The following BTF3 variants were observed in gnomAD, a reference collection of about 807,000 sequenced individuals.
BTF3 encodes the protein basic transcription factor 3.
Under a neutral mutation model 23.9 loss-of-function variants are expected in BTF3, and 12 were observed. That is an observed-to-expected ratio of 0.50 (90% CI 0.32 to 0.81). The LOEUF (loss-of-function observed/expected upper bound fraction) is 0.81, where lower values mean the gene tolerates loss of function less well. BTF3 is among the 40% of genes least tolerant of loss of function. The probability of loss-of-function intolerance (pLI) is 0.03; values close to 1 mark genes in which losing one functional copy is unlikely to be tolerated. For synonymous variants in BTF3, 96 were observed against 94.8 expected, an observed-to-expected ratio of 1.01 and a Z score of -0.07; for missense variants, 215 against 255.9, an observed-to-expected ratio of 0.84 and a Z score of 1.09.
At chr5:73,504,264 GTTCTTTTT>G in intron 4 of BTF3, 75 bp from the exon 5 acceptor site, 1 of 404,648 alleles carries the variant, frequency 2.5e-6, no homozygotes, top group Non-Finnish European at 3.6e-6. Context: ...CATTTCATCT[GTTCTTTTT>G]TTTTTTTTTT....
At chr5:73,499,449 AC>A (rs2111956184) in intron 2 of BTF3, 2 of 520,002 alleles carry the variant, frequency 3.8e-6, no homozygotes, top group African/African-American at 1.0e-4. Flanking sequence ...TAAGTAGAAC[AC>A]AAAAGTGTTT....
rs375717813 is a variant in BTF3 at position 73,504,331 on chromosome 5, C to T, written c.518-16C>T. ...TAAAAACCTAGACAAATAATGTTTA[C>T]ATTTTCCTTTCATAGCTGTGGATGG... On this transcript the variant is annotated splice_polypyrimidine_tract_variant and intron_variant, in intron 4 of 5. Transcript: ENST00000380591. The T allele has an allele frequency of 2.0e-5, 15 of 759,780 alleles. No individual in the cohort carries two copies. The Admixed American group carries it at 4.0e-4, about 20-fold the overall frequency. 47.1% of individuals were successfully genotyped at this position (759,780 alleles called of 1,614,324 possible).
chr5:73,498,476 G>A lies in BTF3; in HGVS notation c.-192G>A, dbSNP rs1253653144. 2.2e-5 allele frequency: 15 copies of A among 683,340 alleles called. No individual in the cohort carries two copies. Among genetic ancestry groups the A allele is most frequent in the Non-Finnish European group, 2.6e-5 (12 of 463,554 alleles). The allele number at this position is 683,340 out of a possible 1,614,324, so 42.3% of individuals were successfully genotyped here. A position where few individuals can be genotyped will look rare whatever the true frequency, so the allele number is the denominator to read the frequency against. Reference sequence around the variant, plus strand: ...TGCCATCTTGCGTCCCCGCGTGTGTGCGCCTAATCTCAGGTGGTCCACCCG... The same window carrying A: ...TGCCATCTTGCGTCCCCGCGTGTGTACGCCTAATCTCAGGTGGTCCACCCG... On this transcript the variant is annotated 5_prime_UTR_variant, in exon 1 of 6. Transcript: ENST00000380591.
chr5:73,504,289 T>TTTTTTTTTTTA, intron 4 of BTF3, 58 bp from the exon 5 acceptor site: 1 of 746,964 alleles, frequency 1.3e-6, no homozygotes, highest in South Asian at 2.5e-5. Flanking sequence ...TTTTTTTTTT[T>TTTTTTTTTTTA]TTTGGTGAAT....
At chr5:73,498,991 T>G in intron 1 of BTF3, 143 bp from the exon 2 acceptor site, 1 of 1,247,926 alleles carries the variant, frequency 8.0e-7, no homozygotes, top group Non-Finnish European at 1.1e-6. Context: ...AACCCAAATT[T>G]GGAGCTTTGC....
intron 4 of BTF3, 120 bp from the exon 5 acceptor site, chr5:73,504,227 A>G: frequency 1.5e-6 from 1 of 671,994 alleles, no homozygotes; most frequent in Middle Eastern, 4.4e-4. Flanking sequence ...GTCCCTTATC[A>G]TGGAAATAAG....
rs1746534928 is a variant in BTF3 at position 73,505,476 on chromosome 5, A to T, written c.*238A>T. 2 of 420,114 alleles carry T rather than the reference A, an allele frequency of 4.8e-6. No individual in the cohort carries two copies. The highest frequency in any genetic ancestry group is 8.4e-6 in the Non-Finnish European group (2 of 238,288). 26.0% of individuals were successfully genotyped at this position (420,114 alleles called of 1,614,324 possible). ...GGAATCAAGTTTGAAACAAAGATTA[A>T]TAAAGTTCTTTGCCTAGTATACAGT... On this transcript the variant is annotated 3_prime_UTR_variant, in exon 6 of 6. Coordinates refer to ENST00000380591, the MANE Select transcript of BTF3 (RefSeq NM_001037637.2).
intron 2 of BTF3, among the ~76,000 whole-genome samples, chr5:73,500,868 A>G (rs562563669): frequency 6.6e-6 from 1 of 151,934 alleles, no homozygotes; most frequent in South Asian, 2.1e-4. Context: ...AACCAGATAC[A>G]TACATGACCA....
intron 1 of BTF3, 130 bp downstream of exon 1, chr5:73,498,929 G>T: frequency 5.3e-6 from 7 of 1,327,666 alleles, no homozygotes; most frequent in Non-Finnish European, 6.8e-6. Context: ...TGCCAAGAGC[G>T]GGGAGCTGTG....
At chr5:73,500,760 T>C (rs939301342) in intron 2 of BTF3, among the ~76,000 whole-genome samples, 7 of 152,192 alleles carry the variant, frequency 4.6e-5, no homozygotes, top group African/African-American at 1.7e-4. Context: ...AATTGAACTC[T>C]ACATATGTGA....
chr5:73,498,828 G>A lies in BTF3; in HGVS notation c.132+29G>A, dbSNP rs978723605. 4.7e-6 allele frequency: 7 copies of A among 1,502,612 alleles called. No individual in the cohort carries two copies. The East Asian group carries it at 1.8e-4, about 39-fold the overall frequency. The allele number at this position is 1,502,612 out of a possible 1,614,324, so 93.1% of individuals were successfully genotyped here. A position where few individuals can be genotyped will look rare whatever the true frequency, so the allele number is the denominator to read the frequency against. On this transcript the variant is annotated intron_variant, in intron 1 of 5. Coordinates refer to ENST00000380591, the MANE Select transcript of BTF3 (RefSeq NM_001037637.2). The stretch of plus-strand genomic sequence containing the variant: ...CCGCGAGGCTTGCGGAGAGTGGCCG[G>A]GCCGGGCAGGCCCTGGCTAGGCCGA...
At position 73,498,671 on chromosome 5, in the gene BTF3, C is replaced by T; in HGVS notation, c.4C>T (p.Arg2Ter). The T allele has an allele frequency of 6.7e-7, 1 of 1,498,414 alleles. No homozygotes were observed. The highest frequency in any genetic ancestry group is 1.3e-5 in the South Asian group (1 of 78,488). 92.8% of individuals were successfully genotyped at this position (1,498,414 alleles called of 1,614,324 possible). The change falls in exon 1 of 6, where the codon CGA (arginine) becomes TGA (stop). Residue 2 changes from arginine to a stop codon, truncating the protein, a stop_gained. Coordinates refer to ENST00000380591, the MANE Select transcript of BTF3 (RefSeq NM_001037637.2). LOFTEE classifies it high-confidence loss of function. ...GGCAGAGGAGGAGAGGAAGGCGATG[C>T]GACGGACAGGCGCACCCGCTCAGGC... The part of the protein sequence containing the change: M[R>*]RTGAPAQADS...
chr5:73,498,555 C>G lies in BTF3; in HGVS notation c.-113C>G, dbSNP rs2111953640. Reference sequence around the variant, plus strand: ...CCGCGCGGCCCCTTATTCGCTCCGACAAGGTACAAAAAGGCTCTGGACGGC... The same window carrying G: ...CCGCGCGGCCCCTTATTCGCTCCGAGAAGGTACAAAAAGGCTCTGGACGGC... On this transcript the variant is annotated 5_prime_UTR_variant, in exon 1 of 6. Transcript: ENST00000380591. 7.3e-7 allele frequency: 1 copy of G among 1,379,136 alleles called. No homozygotes were observed. The highest frequency in any genetic ancestry group is 1.5e-5 in the African/African-American group (1 of 65,210). The allele number at this position is 1,379,136 out of a possible 1,614,324, so 85.4% of individuals were successfully genotyped here. A position where few individuals can be genotyped will look rare whatever the true frequency, so the allele number is the denominator to read the frequency against.
chr5:73,499,300 A>G, intron 2 of BTF3, 98 bp downstream of exon 2: 1 of 1,335,032 alleles, frequency 7.5e-7, no homozygotes, highest in African/African-American at 1.5e-5. Flanking sequence ...TCGGTGACAA[A>G]CTTTGCCTAT....
chr5:73,498,519 A>T lies in BTF3; in HGVS notation c.-149A>T. 8.1e-7 allele frequency: 1 copy of T among 1,231,336 alleles called. No homozygotes were observed. Among genetic ancestry groups the T allele is most frequent in the South Asian group, 1.9e-5 (1 of 53,852 alleles). 76.3% of individuals were successfully genotyped at this position (1,231,336 alleles called of 1,614,324 possible). On this transcript the variant is annotated 5_prime_UTR_variant, in exon 1 of 6. Coordinates refer to ENST00000380591, the MANE Select transcript of BTF3 (RefSeq NM_001037637.2). ...TCCACCCGAGACCCCTTGAGCACCAACCCTAGTCCCCCGCGCGGCCCCTTA... is the reference window on the plus strand; with the variant it reads ...TCCACCCGAGACCCCTTGAGCACCATCCCTAGTCCCCCGCGCGGCCCCTTA...
At chr5:73,500,415 A>G (rs1561254041) in intron 2 of BTF3, among the ~76,000 whole-genome samples, 1 of 152,026 alleles carries the variant, frequency 6.6e-6, no homozygotes, top group African/African-American at 2.4e-5. Flanking sequence ...TTTTGTTGTT[A>G]CTCTCATCAT....
intron 2 of BTF3, among the ~76,000 whole-genome samples, chr5:73,500,435 ACT>A (rs1371209012): frequency 6.6e-6 from 1 of 152,156 alleles, no homozygotes; most frequent in Non-Finnish European, 1.5e-5. Context: ...TTAGGCTTTA[ACT>A]TTGGGAGACA....
chr5:73,504,051 C>CT (rs1746498815), intron 4 of BTF3, among the ~76,000 whole-genome samples: 1 of 152,124 alleles, frequency 6.6e-6, no homozygotes, highest in South Asian at 2.1e-4. Context: ...TACCTGCACT[C>CT]TAAGAGTTCC....
Position 73,498,781 on chromosome 5 carries a change from C to T in BTF3, c.114C>T (p.Thr38=). Residue 38 remains threonine (T), a synonymous_variant, in exon 1 of 6, where the codon ACC becomes ACT. Coordinates refer to ENST00000380591, the MANE Select transcript of BTF3 (RefSeq NM_001037637.2). Reference sequence around the variant, plus strand: ...CTCAACCTCCACCTCGCGGCGGAACCCGAGGACAGGAGCCTCAGGTACCGC... The same window carrying T: ...CTCAACCTCCACCTCGCGGCGGAACTCGAGGACAGGAGCCTCAGGTACCGC... The part of the protein sequence containing the change: ...TLSQPPPRGG[T]RGQEPQMKET... 1 of 1,507,950 alleles carries T rather than the reference C, an allele frequency of 6.6e-7. No individual in the cohort carries two copies. The highest frequency in any genetic ancestry group is 8.8e-7 in the Non-Finnish European group (1 of 1,137,406). 93.4% of individuals were successfully genotyped at this position (1,507,950 alleles called of 1,614,324 possible).
Sources: gnomAD v4.1 joint callset for allele counts (sites outside exome capture counted in the v4.1 genomes callset) on GRCh38, gnomAD v4.1.1 for gene constraint, MANE v1.5 for transcripts, NCBI Gene and HGNC (gene_info 2026-07-23, HGNC 2026-07-21) for gene names.